The following KHDRBS2 variants were observed in gnomAD, a reference collection of about 807,000 sequenced individuals.
KHDRBS2 encodes the protein KH domain-containing, RNA-binding, signal transduction-associated protein 2.
A neutral mutation model predicts 44.3 loss-of-function variants in KHDRBS2; 26 were observed. The ratio of observed to expected loss-of-function variants is 0.59; its 90% CI spans 0.43 to 0.81. The LOEUF (loss-of-function observed/expected upper bound fraction) is 0.81, where lower values mean the gene tolerates loss of function less well. Among genes scored for constraint, KHDRBS2 ranks in the 40% least tolerant of loss-of-function variants. KHDRBS2 has a pLI of 0.00. For missense variants in KHDRBS2, 476 were observed against 433.1 expected, an observed-to-expected ratio of 1.10 and a Z score of -0.88; for synonymous variants, 194 against 151.1, an observed-to-expected ratio of 1.28 and a Z score of -2.08.
chr6:62,092,482 A>C (rs1799669645), intron 2 of KHDRBS2, among the ~76,000 whole-genome samples: 1 of 152,164 alleles, frequency 6.6e-6, no homozygotes, highest in African/African-American at 2.4e-5. Flanking sequence ...TTTCCTATAA[A>C]GTTGGAATGG....
chr6:61,904,644 C>T (rs182268815), intron 4 of KHDRBS2, among the ~76,000 whole-genome samples: 2 of 152,314 alleles, frequency 1.3e-5, no homozygotes, highest in Admixed American at 6.5e-5. Context: ...TTCCTGGCCA[C>T]ACAGGATTCC....
chr6:62,044,415 G>T (rs536088133), intron 3 of KHDRBS2, among the ~76,000 whole-genome samples: 14 of 151,764 alleles, frequency 9.2e-5, no homozygotes, highest in Non-Finnish European at 1.6e-4. Flanking sequence ...CCCAACGGTG[G>T]GTCAAAGCTG....
At chr6:62,037,685 G>A (rs1225080582) in intron 3 of KHDRBS2, among the ~76,000 whole-genome samples, 4 of 151,808 alleles carry the variant, frequency 2.6e-5, no homozygotes, top group African/African-American at 7.3e-5. Context: ...CATTTTGTTT[G>A]CCTTTTTTTA....
chr6:61,662,406 A>C, the KHDRBS2 span, among the ~76,000 whole-genome samples: 1 of 151,356 alleles, frequency 6.6e-6, no homozygotes, highest in Non-Finnish European at 1.5e-5. Context: ...ATGGGATCTA[A>C]TTAAACTAAA....
At chr6:61,669,393 C>T in the KHDRBS2 span, among the ~76,000 whole-genome samples, 1 of 150,520 alleles carries the variant, frequency 6.6e-6, no homozygotes, top group African/African-American at 2.4e-5. Flanking sequence ...TATAAACATA[C>T]CTTATAGTAC....
the KHDRBS2 span, among the ~76,000 whole-genome samples, chr6:61,638,212 C>CAA: frequency 6.6e-6 from 1 of 151,966 alleles, no homozygotes; most frequent in Non-Finnish European, 1.5e-5. Context: ...AATCCTGAGC[C>CAA]AAAAGAACAA....
chr6:61,956,969 C>T (rs747671458), intron 4 of KHDRBS2, among the ~76,000 whole-genome samples: 17 of 151,454 alleles, frequency 1.1e-4, no homozygotes, highest in South Asian at 4.2e-4. Context: ...GGACCCCGAA[C>T]GGAGGAACCA....
chr6:61,551,054 G>A, the KHDRBS2 span, among the ~76,000 whole-genome samples: 24 of 151,992 alleles, frequency 1.6e-4, no homozygotes, highest in Non-Finnish European at 2.8e-4. Context: ...GATTACAGGC[G>A]TGAGTCACCA....
At chr6:61,852,556 C>G (rs1795594242) in intron 6 of KHDRBS2, among the ~76,000 whole-genome samples, 2 of 149,302 alleles carry the variant, frequency 1.3e-5, no homozygotes, top group African/African-American at 4.9e-5. Context: ...GAGCGAGACT[C>G]CGTCTCAAAA....
intron 6 of KHDRBS2, among the ~76,000 whole-genome samples, chr6:61,890,325 T>C (rs1046505069): frequency 5.3e-5 from 8 of 152,216 alleles, no homozygotes; most frequent in African/African-American, 1.9e-4. Flanking sequence ...CTAAGGAACA[T>C]ACTCACCTCT....
the KHDRBS2 span, among the ~76,000 whole-genome samples, chr6:61,639,592 A>C: frequency 7.9e-5 from 12 of 152,078 alleles, no homozygotes; most frequent in Middle Eastern, 3.4e-3. Context: ...GATAGTCCCT[A>C]TACTACTTAA....
chr6:61,852,296 T>A (rs796906680), intron 6 of KHDRBS2, among the ~76,000 whole-genome samples: 7 of 150,220 alleles, frequency 4.7e-5, no homozygotes, highest in African/African-American at 1.7e-4. Flanking sequence ...AAATAAAGAT[T>A]TTTTCACGCC....
At chr6:61,797,595 T>A (rs1785550155) in intron 6 of KHDRBS2, among the ~76,000 whole-genome samples, 1 of 151,994 alleles carries the variant, frequency 6.6e-6, no homozygotes, top group South Asian at 2.1e-4. Flanking sequence ...CCCTGGGAAA[T>A]GTCAAATGCC....
chr6:62,268,105 A>G (rs1381261549), intron 1 of KHDRBS2, among the ~76,000 whole-genome samples: 1 of 152,064 alleles, frequency 6.6e-6, no homozygotes, highest in Non-Finnish European at 1.5e-5. Flanking sequence ...GATAGCATCT[A>G]AATTCATTTC....
intron 6 of KHDRBS2, among the ~76,000 whole-genome samples, chr6:61,807,444 G>A (rs1430209242): frequency 2.0e-5 from 3 of 152,096 alleles, no homozygotes; most frequent in Admixed American, 6.6e-5. Context: ...TGGTGGACTG[G>A]ATAAGAAAAT....
intron 1 of KHDRBS2, among the ~76,000 whole-genome samples, chr6:62,186,571 T>C (rs946323900): frequency 6.6e-6 from 1 of 150,882 alleles, no homozygotes; most frequent in Non-Finnish European, 1.5e-5. Flanking sequence ...GCTAGGAATA[T>C]CATACATATT....
At chr6:61,601,979 T>TAAAA in the KHDRBS2 span, among the ~76,000 whole-genome samples, 1 of 152,168 alleles carries the variant, frequency 6.6e-6, no homozygotes, top group Non-Finnish European at 1.5e-5. Flanking sequence ...AGTTAGCATT[T>TAAAA]AGGCTCTTTT....
chr6:62,229,713 C>G (rs1361221478), intron 1 of KHDRBS2, among the ~76,000 whole-genome samples: 1 of 152,164 alleles, frequency 6.6e-6, no homozygotes, highest in Non-Finnish European at 1.5e-5. Flanking sequence ...GGGTAGCACG[C>G]TCACTCACAA....
At chr6:61,997,991 T>C (rs1777540951) in intron 3 of KHDRBS2, among the ~76,000 whole-genome samples, 1 of 152,236 alleles carries the variant, frequency 6.6e-6, no homozygotes, top group African/African-American at 2.4e-5. Context: ...CGGCCTGGTT[T>C]ACTAATGTTC....
Sources: gnomAD v4.1 joint callset for allele counts (sites outside exome capture counted in the v4.1 genomes callset) on GRCh38, gnomAD v4.1.1 for gene constraint, MANE v1.5 for transcripts, NCBI Gene and HGNC (gene_info 2026-07-23, HGNC 2026-07-21) for gene names.